Variants in SUN1 observed in about 807,000 individuals in gnomAD.
SUN1 encodes the protein SUN domain-containing protein 1.
SUN1 carries 61 observed loss-of-function variants against 103.2 expected under a neutral mutation model. The ratio of observed to expected loss-of-function variants is 0.59; its 90% confidence interval spans 0.48 to 0.73. The LOEUF (loss-of-function observed/expected upper bound fraction) is 0.73. Among genes scored for constraint, SUN1 ranks in the 30% least tolerant of loss-of-function variants. The pLI is 0.00. For missense variants in SUN1, 1,052 were observed against 1,034.6 expected (o/e 1.02, Z -0.23); for synonymous variants, 490 against 425.7 (o/e 1.15, Z -1.86).
chr7:839,097 G>T, intron 2 of SUN1, 111 bp downstream of exon 2: 2 of 1,137,124 alleles, frequency 1.8e-6, no homozygotes, highest in South Asian at 1.7e-5. Flanking sequence ...AAGGATATGT[G>T]TGTGTATGTG....
At chr7:837,440 A>G (rs1342640254) in intron 1 of SUN1, among the ~76,000 whole-genome samples, 1 of 151,268 alleles carries the variant, frequency 6.6e-6, no homozygotes, top group Admixed American at 6.6e-5. Context: ...ATTGGAGTCA[A>G]TTTTTTTCAA....
At chr7:870,741 G>T (rs1359325400) in intron 17 of SUN1, among the ~76,000 whole-genome samples, 3 of 152,082 alleles carry the variant, frequency 2.0e-5, no homozygotes, top group African/African-American at 7.2e-5. Context: ...CCGCTTCCCT[G>T]TGTGAGCGTC....
intron 1 of SUN1, 79 bp from the exon 2 acceptor site, chr7:838,719 T>G (rs1006598425): frequency 5.1e-6 from 7 of 1,371,472 alleles, no homozygotes; most frequent in Middle Eastern, 1.9e-4. Context: ...CATTGCACTT[T>G]CAGTTTATGG....
At chr7:841,641 A>AT (rs1810067865) in intron 2 of SUN1, among the ~76,000 whole-genome samples, 1 of 152,218 alleles carries the variant, frequency 6.6e-6, no homozygotes, top group Non-Finnish European at 1.5e-5. Context: ...TAAATCACAG[A>AT]TGTTTTTATT....
chr7:851,805 G>C (rs1822430433), intron 6 of SUN1, 145 bp from the exon 7 acceptor site: 1 of 755,758 alleles, frequency 1.3e-6, no homozygotes, highest in East Asian at 2.6e-5. Context: ...CTTGCTTCCT[G>C]CCGTGGCGAC....
chr7:832,767 T>G (rs1423585587), intron 1 of SUN1, among the ~76,000 whole-genome samples, 166 bp downstream of exon 1: 1 of 152,240 alleles, frequency 6.6e-6, no homozygotes, highest in Non-Finnish European at 1.5e-5. Flanking sequence ...TGGTTTTTTC[T>G]TACGGCTTTA....
chr7:828,958 C>T (rs932041078), upstream of SUN1, among the ~76,000 whole-genome samples: 9 of 152,218 alleles, frequency 5.9e-5, no homozygotes, highest in African/African-American at 2.2e-4. Context: ...CCAGTTAGTC[C>T]GTTTCCTTCC....
At chr7:845,140 C>T (rs569107536) in intron 5 of SUN1, among the ~76,000 whole-genome samples, 23 of 152,240 alleles carry the variant, frequency 1.5e-4, no homozygotes, top group Admixed American at 7.8e-4. Context: ...GGTCTCCCTA[C>T]GCGTGTTGTA....
chr7:824,443 A>G lies in SUN1; in HGVS notation c.-74+7770A>G, dbSNP rs1789388225. 2.0e-5 allele frequency among the ~76,000 whole-genome samples: 3 copies of G among 152,242 alleles called. 1 individual carries two copies. In the South Asian group the frequency reaches 6.2e-4, roughly 32 times the overall value. ...TACTGGTTATAAGGAAATTCTGTGC[A>G]CTCTAGGTTTGAAGCAAATACAATG... is the stretch of plus-strand genomic sequence containing the variant. On this transcript the variant is annotated intron_variant, in intron 1 of 17. Transcript: ENST00000389574.
At chr7:857,215 A>G (rs1415189897) in intron 12 of SUN1, among the ~76,000 whole-genome samples, 1 of 152,030 alleles carries the variant, frequency 6.6e-6, no homozygotes, top group Admixed American at 6.5e-5. Flanking sequence ...CCGCGTCTGC[A>G]CTCGGGAGGG....
At position 843,632 on chromosome 7, in the gene SUN1, C is replaced by T. The variant is rs761916204; in HGVS notation, c.658+112C>T. 3.1e-6 allele frequency: 5 copies of T among 1,593,888 alleles called. No individual in the cohort carries two copies. The East Asian group carries it at 6.7e-5, about 21-fold the overall frequency. ...TTGTCTTGGAGACTTAAAATTATCC[C>T]TTGAAAGCATAAGAAGTACACCCCA... On this transcript the variant is annotated intron_variant, in intron 5 of 18. Coordinates refer to ENST00000401592, the MANE Select transcript of SUN1 (RefSeq NM_001130965.3).
upstream of SUN1, among the ~76,000 whole-genome samples, chr7:830,193 G>A (rs1346105861): frequency 6.6e-6 from 1 of 152,222 alleles, no homozygotes; most frequent in Non-Finnish European, 1.5e-5. Context: ...CAGGCCTGTG[G>A]CCCATGTGGG....
At chr7:848,647 C>A in intron 5 of SUN1, 1 of 1,296,816 alleles carries the variant, frequency 7.7e-7, no homozygotes. Flanking sequence ...CCTTTTTCCA[C>A]CAATCACACT....
In SUN1 at chr7:838,933, G is replaced by GGGTGCCGACAGC; in HGVS notation, c.216_227dup (p.Ala73_Gly76dup). On this transcript the variant is annotated inframe_insertion, in exon 2 of 19. Transcript: ENST00000401592. ...GCACCCTGGGGGATGGTGAGGCTGT[G>GGGTGCCGACAGC]GGTGCCGACAGCGGCACCAGCAGCG... The GGGTGCCGACAGC allele has an allele frequency of 6.2e-7, 1 of 1,610,358 alleles. No homozygotes were observed. Among genetic ancestry groups the GGGTGCCGACAGC allele is most frequent in the Non-Finnish European group, 8.5e-7 (1 of 1,178,910 alleles).
At chr7:862,477 TAGAC>T (rs1832962245) in intron 15 of SUN1, among the ~76,000 whole-genome samples, 1 of 152,248 alleles carries the variant, frequency 6.6e-6, no homozygotes, top group Non-Finnish European at 1.5e-5. Context: ...TTCCAAATGG[TAGAC>T]AGACATCAAC....
At chr7:859,309 T>C (rs573257793) in intron 13 of SUN1, among the ~76,000 whole-genome samples, 3 of 152,294 alleles carry the variant, frequency 2.0e-5, no homozygotes, top group African/African-American at 7.2e-5. Context: ...GGCAGTGGGC[T>C]TTTCCCTGGC....
chr7:860,417 A>G, intron 14 of SUN1, 35 bp downstream of exon 14: 2 of 1,606,194 alleles, frequency 1.2e-6, no homozygotes. Flanking sequence ...AGATGCTTAC[A>G]GTCCATTCTG....
chr7:864,001 C>A (rs77026841), intron 15 of SUN1, among the ~76,000 whole-genome samples: 17,952 of 152,144 alleles, frequency 0.12, 1,231 homozygotes, highest in South Asian at 0.24. Flanking sequence ...TTTAAAAACA[C>A]TTTTTTTATC....
Position 873,404 on chromosome 7 carries a change from CGAG to C in SUN1, c.*75_*77del. On this transcript the variant is annotated 3_prime_UTR_variant, in exon 19 of 19. Coordinates refer to ENST00000401592, the MANE Select transcript of SUN1 (RefSeq NM_001130965.3). ...GTGAAACACTGGAATCCTTCATGGA[CGAG>C]GGCATATACAATGATGGGACAGTGC... is the stretch of plus-strand genomic sequence containing the variant. 7.5e-7 allele frequency: 1 copy of C among 1,334,040 alleles called. No individual in the cohort carries two copies. Among genetic ancestry groups the C allele is most frequent in the Non-Finnish European group, 1.1e-6 (1 of 930,262 alleles). The allele number at this position is 1,334,040 out of a possible 1,614,324, so 82.6% of individuals were successfully genotyped here. A position where few individuals can be genotyped will look rare whatever the true frequency, so the allele number is the denominator to read the frequency against.
Sources: allele counts gnomAD v4.1 joint callset (sites outside exome capture counted in the v4.1 genomes callset), GRCh38; gene constraint gnomAD v4.1.1; transcripts MANE v1.5; gene names NCBI Gene and HGNC (gene_info 2026-07-23, HGNC 2026-07-21).